NCOA7: variants seen among roughly 807,000 people sequenced by gnomAD.
NCOA7 encodes the protein nuclear receptor coactivator 7.
In NCOA7, 45 loss-of-function variants were observed where a neutral mutation model predicts 104.3. The observed-to-expected ratio is 0.43, with a 90% CI of 0.34 to 0.55. The LOEUF is 0.55. Among genes scored for constraint, NCOA7 ranks in the 20% least tolerant of loss-of-function variants. NCOA7 has a pLI of 0.02. For synonymous variants in NCOA7, 398 were observed against 402.3 expected (o/e 0.99, Z 0.13); for missense variants, 1,041 against 1,119.7 (o/e 0.93, Z 1.00).
chr6:125,897,405 G>C (rs1398373110), intron 10 of NCOA7, among the ~76,000 whole-genome samples: 1 of 152,146 alleles, frequency 6.6e-6, no homozygotes, highest in African/African-American at 2.4e-5. Context: ...TTCATACTTA[G>C]TTCTTAGCTC....
chr6:125,910,492 A>G (rs148895053), intron 10 of NCOA7, among the ~76,000 whole-genome samples: 2 of 152,354 alleles, frequency 1.3e-5, no homozygotes, highest in Non-Finnish European at 2.9e-5. Flanking sequence ...TATCTTTGTC[A>G]AACCTCTCTG....
At chr6:125,814,204 G>C (rs1777356528) in intron 1 of NCOA7, among the ~76,000 whole-genome samples, 1 of 152,102 alleles carries the variant, frequency 6.6e-6, no homozygotes, top group Non-Finnish European at 1.5e-5. Context: ...ACCCAGGCTG[G>C]AGTGCGGTGG....
intron 2 of NCOA7, among the ~76,000 whole-genome samples, chr6:125,848,442 C>T (rs1287477493): frequency 2.0e-5 from 3 of 152,048 alleles, no homozygotes; most frequent in Admixed American, 6.6e-5. Flanking sequence ...AAATATGGCA[C>T]GTATACACCA....
intron 1 of NCOA7, among the ~76,000 whole-genome samples, chr6:125,803,707 A>G (rs529047581): frequency 6.6e-6 from 1 of 152,356 alleles, no homozygotes; most frequent in African/African-American, 2.4e-5. Flanking sequence ...TGGCAGTTTA[A>G]TGGTAAATTG....
intron 3 of NCOA7, among the ~76,000 whole-genome samples, chr6:125,871,458 C>T (rs1486581569): frequency 6.6e-6 from 1 of 152,214 alleles, no homozygotes; most frequent in African/African-American, 2.4e-5. Flanking sequence ...CTTTTCAACT[C>T]ACTGCAAAAC....
At chr6:125,913,534 C>T (rs1284968264) in intron 10 of NCOA7, 1 of 531,056 alleles carries the variant, frequency 1.9e-6, no homozygotes, top group Non-Finnish European at 2.4e-6. Flanking sequence ...CCATCATACC[C>T]ATGTACAATC....
chr6:125,786,030 A>C (rs1363311191), upstream of NCOA7: 2 of 152,132 alleles, frequency 1.3e-5, no homozygotes, highest in Non-Finnish European at 2.9e-5. Flanking sequence ...TTTTCTCAAA[A>C]CTCAAGATAT....
At chr6:125,919,329 G>C in intron 11 of NCOA7, 1 of 1,612,834 alleles carries the variant, frequency 6.2e-7, no homozygotes, top group South Asian at 1.1e-5. Flanking sequence ...CCTCATTAGA[G>C]AGAGAGCCAC....
At chr6:125,920,593 T>C (rs1486875062) in intron 11 of NCOA7, among the ~76,000 whole-genome samples, 6 of 152,136 alleles carry the variant, frequency 3.9e-5, no homozygotes, top group African/African-American at 1.4e-4. Flanking sequence ...TATATGGAGA[T>C]AGGGGTCCCA....
intron 1 of NCOA7, among the ~76,000 whole-genome samples, chr6:125,793,986 A>C (rs188358519): frequency 8.5e-5 from 13 of 152,212 alleles, no homozygotes; most frequent in Non-Finnish European, 1.6e-4. Context: ...TTGGCTGAAC[A>C]AAGGCCATGA....
At chr6:125,858,934 A>G (rs1362611208) in intron 3 of NCOA7, among the ~76,000 whole-genome samples, 1 of 152,178 alleles carries the variant, frequency 6.6e-6, no homozygotes, top group Non-Finnish European at 1.5e-5. Context: ...ATCCCAGTTC[A>G]CTGCTGCTTT....
At chr6:125,887,079 A>G (rs1784320776) in intron 8 of NCOA7, among the ~76,000 whole-genome samples, 1 of 152,250 alleles carries the variant, frequency 6.6e-6, no homozygotes, top group African/African-American at 2.4e-5. Context: ...CAGAAAAAGC[A>G]GATGGTGAAA....
At position 125,919,133 on chromosome 6, in the gene NCOA7, A is replaced by G. The variant is rs957029217; in HGVS notation, c.2245-1810A>G. The G allele has an allele frequency of 6.8e-6, 7 of 1,035,020 alleles. No individual in the cohort carries two copies. The African/African-American group carries it at 1.1e-4, about 17-fold the overall frequency. 64.1% of individuals were successfully genotyped at this position (1,035,020 alleles called of 1,614,324 possible). ...AGTGTCCTTTTACAGTCTCACAGCGATGCCTGGCAGGAAGTGTGTTTGCTC... is the reference window on the plus strand; with the variant it reads ...AGTGTCCTTTTACAGTCTCACAGCGGTGCCTGGCAGGAAGTGTGTTTGCTC... On this transcript the variant is annotated intron_variant, in intron 11 of 15. Coordinates refer to ENST00000392477, the MANE Select transcript of NCOA7 (RefSeq NM_181782.5).
chr6:125,897,545 A>G (rs1390806229), intron 10 of NCOA7, among the ~76,000 whole-genome samples: 2 of 152,128 alleles, frequency 1.3e-5, no homozygotes, highest in African/African-American at 2.4e-5. Context: ...GTTAATTTTT[A>G]CTTTATCTCT....
At chr6:125,914,904 A>C (rs946125198) in intron 10 of NCOA7, among the ~76,000 whole-genome samples, 2 of 152,224 alleles carry the variant, frequency 1.3e-5, no homozygotes, top group Non-Finnish European at 2.9e-5. Context: ...TACAATTACA[A>C]TGCAATAGTA....
chr6:125,873,635 G>A (rs1457400342), intron 3 of NCOA7, among the ~76,000 whole-genome samples: 1 of 152,134 alleles, frequency 6.6e-6, no homozygotes, highest in Admixed American at 6.5e-5. Context: ...TGTACATAAA[G>A]TATATACCTG....
chr6:125,804,123 C>T (rs147973399), intron 1 of NCOA7, among the ~76,000 whole-genome samples: 1,688 of 152,150 alleles, frequency 0.011, 16 homozygotes, highest in Non-Finnish European at 0.017. Context: ...CTAGAGACTC[C>T]AGAAGTTTGC....
intron 3 of NCOA7, among the ~76,000 whole-genome samples, chr6:125,866,199 C>T (rs1188218381): frequency 6.6e-6 from 1 of 151,466 alleles, no homozygotes; most frequent in African/African-American, 2.4e-5. Flanking sequence ...CATGGTGGCA[C>T]ATGCCTGTAA....
At chr6:125,868,868 C>G (rs971114094) in intron 3 of NCOA7, among the ~76,000 whole-genome samples, 41 of 152,166 alleles carry the variant, frequency 2.7e-4, no homozygotes, top group African/African-American at 9.4e-4. Context: ...CCTGAACCCC[C>G]TTCAGATGCT....
Sources: allele counts gnomAD v4.1 joint callset (sites outside exome capture counted in the v4.1 genomes callset), GRCh38; gene constraint gnomAD v4.1.1; transcripts MANE v1.5; gene names NCBI Gene and HGNC (gene_info 2026-07-23, HGNC 2026-07-21).